The following AGBL4 variants were observed in gnomAD, a reference collection of about 807,000 sequenced individuals.
AGBL4 encodes the protein AGBL carboxypeptidase 4.
Under a neutral mutation model 66.4 loss-of-function variants are expected in AGBL4, and 58 were observed. The observed-to-expected ratio is 0.87, with a 90% CI of 0.71 to 1.09. The LOEUF (loss-of-function observed/expected upper bound fraction) is 1.09, where lower values mean the gene tolerates loss of function less well. AGBL4 is among the 50% of genes least tolerant of loss of function. The probability of loss-of-function intolerance (pLI) is 0.00; values close to 1 mark genes in which losing one functional copy is unlikely to be tolerated. For missense variants in AGBL4, 579 were observed against 631.0 expected, an observed-to-expected ratio of 0.92 and a Z score of 0.88; for synonymous variants, 234 against 222.9, an observed-to-expected ratio of 1.05 and a Z score of -0.44.
chr1:49,658,618 T>G (rs545962322), intron 3 of AGBL4, among the ~76,000 whole-genome samples: 2 of 152,252 alleles, frequency 1.3e-5, no homozygotes, highest in Non-Finnish European at 2.9e-5. Flanking sequence ...CAAATGTCCA[T>G]CAATGATAGA....
chr1:49,342,256 A>C (rs1162970900), intron 3 of AGBL4, among the ~76,000 whole-genome samples: 1 of 152,166 alleles, frequency 6.6e-6, no homozygotes, highest in Non-Finnish European at 1.5e-5. Flanking sequence ...AATTGATGAG[A>C]AAAAGGATTT....
chr1:48,857,981 G>T (rs897904056), intron 6 of AGBL4, among the ~76,000 whole-genome samples: 6 of 151,920 alleles, frequency 3.9e-5, no homozygotes, highest in African/African-American at 1.5e-4. Flanking sequence ...GCAATAAAAA[G>T]ACAAATATAG....
intron 7 of AGBL4, among the ~76,000 whole-genome samples, chr1:48,653,713 ACTGGGAGGG>A (rs1188114006): frequency 6.6e-6 from 1 of 152,182 alleles, no homozygotes; most frequent in Non-Finnish European, 1.5e-5. Flanking sequence ...GCGGTAGAGA[ACTGGGAGGG>A]CTTCCGAGAA....
At chr1:49,581,200 T>G (rs535134614) in intron 3 of AGBL4, among the ~76,000 whole-genome samples, 5 of 152,200 alleles carry the variant, frequency 3.3e-5, no homozygotes, top group African/African-American at 1.2e-4. Context: ...TTTCTTTTTT[T>G]AAAAAAGATA....
intron 5 of AGBL4, among the ~76,000 whole-genome samples, chr1:48,908,182 C>T (rs1652794253): frequency 1.3e-5 from 2 of 152,142 alleles, no homozygotes; most frequent in Admixed American, 6.5e-5. Context: ...CCAAACTGTG[C>T]TTCTCTCCTC....
At chr1:48,858,216 C>T (rs981865530) in intron 6 of AGBL4, among the ~76,000 whole-genome samples, 2 of 152,174 alleles carry the variant, frequency 1.3e-5, no homozygotes, top group Admixed American at 6.5e-5. Flanking sequence ...CTGGAACTGT[C>T]CTCCACTGAT....
intron 6 of AGBL4, among the ~76,000 whole-genome samples, chr1:48,844,387 T>C (rs12062167): frequency 0.038 from 5,820 of 152,260 alleles, 367 homozygotes; most frequent in African/African-American, 0.13. Context: ...ATCCATGCTT[T>C]CCCATCTGAC....
At position 49,632,134 on chromosome 1, in the gene AGBL4, T is replaced by C. The variant is rs1045460869; in HGVS notation, c.282+65179A>G. 5.9e-5 allele frequency among the ~76,000 whole-genome samples: 9 copies of C among 152,162 alleles called. No homozygotes were observed. In the South Asian group the frequency reaches 1.9e-3, roughly 32 times the overall value. ...AAGAGTGTAGTAGAGAAAATGAACCTAAATAGAAAACAAGGGACAAACTTA... is the reference window on the plus strand; with the variant it reads ...AAGAGTGTAGTAGAGAAAATGAACCCAAATAGAAAACAAGGGACAAACTTA... On this transcript the variant is annotated intron_variant, in intron 3 of 13. Coordinates refer to ENST00000371839, the MANE Select transcript of AGBL4 (RefSeq NM_032785.4).
chr1:48,915,893 A>T (rs1157289197), intron 5 of AGBL4, among the ~76,000 whole-genome samples: 1 of 152,238 alleles, frequency 6.6e-6, no homozygotes, highest in Non-Finnish European at 1.5e-5. Flanking sequence ...AATAAAAAAA[A>T]TTAAATTTTT....
chr1:48,539,364 G>A (rs1205603877), intron 12 of AGBL4, among the ~76,000 whole-genome samples: 3 of 152,158 alleles, frequency 2.0e-5, no homozygotes, highest in Admixed American at 6.5e-5. Context: ...TTAGAACAAT[G>A]ACTGAACTCA....
At chr1:49,289,377 G>T (rs1356645529) in intron 3 of AGBL4, among the ~76,000 whole-genome samples, 1 of 152,080 alleles carries the variant, frequency 6.6e-6, no homozygotes, top group South Asian at 2.1e-4. Flanking sequence ...AAAATATGGA[G>T]CACCAGAAAC....
intron 2 of AGBL4, among the ~76,000 whole-genome samples, chr1:49,773,821 C>T (rs935228219): frequency 1.3e-5 from 2 of 152,120 alleles, no homozygotes; most frequent in African/African-American, 4.8e-5. Flanking sequence ...GCACACAGGC[C>T]CAGCAGCTGC....
chr1:48,579,800 C>T (rs1020835261), intron 11 of AGBL4, among the ~76,000 whole-genome samples: 2 of 150,166 alleles, frequency 1.3e-5, no homozygotes, highest in South Asian at 2.1e-4. Flanking sequence ...CGCCTGTAGT[C>T]CCAGCTACTC....
chr1:49,749,064 A>G (rs1202373008), intron 2 of AGBL4, among the ~76,000 whole-genome samples: 1 of 152,180 alleles, frequency 6.6e-6, no homozygotes, highest in Non-Finnish European at 1.5e-5. Flanking sequence ...TTGATGTTTT[A>G]GTAATGAAGT....
chr1:49,323,068 T>C (rs1645158868), intron 3 of AGBL4, among the ~76,000 whole-genome samples: 1 of 152,252 alleles, frequency 6.6e-6, no homozygotes, highest in African/African-American at 2.4e-5. Context: ...TTTATGCAGT[T>C]AACTGCTTTG....
At chr1:49,153,518 C>T (rs1569853441) in intron 4 of AGBL4, among the ~76,000 whole-genome samples, 1 of 152,114 alleles carries the variant, frequency 6.6e-6, no homozygotes, top group Admixed American at 6.6e-5. Context: ...ATGCACATCA[C>T]TCCACAATAG....
At chr1:49,512,546 AC>A (rs899773542) in intron 3 of AGBL4, among the ~76,000 whole-genome samples, 9 of 146,574 alleles carry the variant, frequency 6.1e-5, no homozygotes, top group African/African-American at 2.0e-4. Flanking sequence ...ATTTCCTGCC[AC>A]CCCCCCTCTT....
At chr1:49,881,012 T>C (rs1020742352) in intron 1 of AGBL4, among the ~76,000 whole-genome samples, 6 of 152,124 alleles carry the variant, frequency 3.9e-5, no homozygotes, top group African/African-American at 1.4e-4. Context: ...CTTGCCCTGC[T>C]TAGGCTCGCG....
intron 3 of AGBL4, among the ~76,000 whole-genome samples, chr1:49,333,156 G>A (rs1024508276): frequency 3.9e-5 from 6 of 151,960 alleles, no homozygotes; most frequent in Non-Finnish European, 7.4e-5. Context: ...TTCTGCACAT[G>A]TGTCCCAGAA....
Sources: allele counts gnomAD v4.1 joint callset (sites outside exome capture counted in the v4.1 genomes callset), GRCh38; gene constraint gnomAD v4.1.1; transcripts MANE v1.5; gene names NCBI Gene and HGNC (gene_info 2026-07-23, HGNC 2026-07-21).